SUMF1: variants seen among roughly 807,000 people sequenced by gnomAD.
SUMF1 encodes the protein sulfatase modifying factor 1, also known as formylglycine-generating enzyme.
A neutral mutation model predicts 47.6 loss-of-function variants in SUMF1; 48 were observed. That is an observed-to-expected ratio of 1.01 (90% CI 0.80 to 1.28). The LOEUF is 1.28. Among genes scored for constraint, SUMF1 ranks in the 50% most tolerant of loss-of-function variants. The pLI, the probability that SUMF1 is intolerant of heterozygous loss-of-function variation, is 0.00. For synonymous variants in SUMF1, 230 were observed against 192.1 expected, an observed-to-expected ratio of 1.20 and a Z score of -1.63; for missense variants, 571 against 485.4, an observed-to-expected ratio of 1.18 and a Z score of -1.66.
intron 8 of SUMF1, among the ~76,000 whole-genome samples, chr3:4,286,497 G>C (rs1397245712): frequency 6.6e-6 from 1 of 152,100 alleles, no homozygotes; most frequent in African/African-American, 2.4e-5. Flanking sequence ...TTTGAAGAAA[G>C]AATATGATTG....
intron 8 of SUMF1, among the ~76,000 whole-genome samples, chr3:4,196,494 C>A (rs554755104): frequency 1.3e-5 from 2 of 152,244 alleles, no homozygotes; most frequent in East Asian, 3.9e-4. Flanking sequence ...CCGAAGCCAG[C>A]CATACTAATA....
At position 4,254,544 on chromosome 3, in the gene SUMF1, T is replaced by C. The variant is rs1314246996; in HGVS notation, c.1014+121786A>G. On this transcript the variant is annotated intron_variant and NMD_transcript_variant, in intron 8 of 12. Coordinates refer to the SUMF1 transcript ENST00000448413. ...GGAAGATGAAATGAATGAAATGAAG[T>C]GAGAAGGGAAGTTTAGAGAAAAAAG... Among the ~76,000 whole-genome samples, 221 of 147,846 alleles carry C rather than the reference T, an allele frequency of 1.5e-3. 1 individual carries two copies. Among genetic ancestry groups the C allele is most frequent in the Non-Finnish European group, 2.6e-3 (177 of 66,924 alleles).
chr3:4,162,275 TG>T (rs1417090216), intron 8 of SUMF1, among the ~76,000 whole-genome samples: 2 of 152,130 alleles, frequency 1.3e-5, no homozygotes, highest in African/African-American at 4.8e-5. Context: ...TACCTGAGGT[TG>T]GGGGAGGAGT....
chr3:4,321,016 C>T (rs998027478), intron 8 of SUMF1, among the ~76,000 whole-genome samples: 1 of 152,090 alleles, frequency 6.6e-6, no homozygotes, highest in Non-Finnish European at 1.5e-5. Flanking sequence ...CTGATATTAA[C>T]AACTCTGCTA....
chr3:4,226,607 T>C (rs1478488220), intron 8 of SUMF1, among the ~76,000 whole-genome samples: 2 of 152,020 alleles, frequency 1.3e-5, no homozygotes, highest in African/African-American at 2.4e-5. Context: ...TTATATGAAT[T>C]AGCTACTATT....
At chr3:4,096,739 G>T (rs1692914237) in intron 8 of SUMF1, among the ~76,000 whole-genome samples, 1 of 152,006 alleles carries the variant, frequency 6.6e-6, no homozygotes, top group South Asian at 2.1e-4. Context: ...CTTAGTCGAG[G>T]GTCACAAATG....
At chr3:4,213,823 A>G (rs780861331) in intron 8 of SUMF1, among the ~76,000 whole-genome samples, 14 of 152,226 alleles carry the variant, frequency 9.2e-5, no homozygotes, top group Non-Finnish European at 1.9e-4. Context: ...AGGCCATTAC[A>G]TAATGGTAAA....
At chr3:4,436,863 A>C (rs1559299016) in intron 3 of SUMF1, among the ~76,000 whole-genome samples, 6 of 135,018 alleles carry the variant, frequency 4.4e-5, no homozygotes, top group Non-Finnish European at 9.8e-5. Context: ...AAAAAAAAAA[A>C]ATACAAAAAA....
At chr3:4,238,644 G>C (rs1053564912) in intron 8 of SUMF1, among the ~76,000 whole-genome samples, 2 of 151,970 alleles carry the variant, frequency 1.3e-5, no homozygotes, top group Admixed American at 6.6e-5. Flanking sequence ...TCATAAATTT[G>C]TTTAAGTCAT....
intron 8 of SUMF1, among the ~76,000 whole-genome samples, chr3:4,353,395 G>A (rs1364106431): frequency 6.6e-6 from 1 of 152,122 alleles, no homozygotes; most frequent in Non-Finnish European, 1.5e-5. Flanking sequence ...TGGGACTACA[G>A]GCACCCGCCA....
At chr3:4,432,782 T>A (rs763895880) in intron 3 of SUMF1, among the ~76,000 whole-genome samples, 1 of 152,214 alleles carries the variant, frequency 6.6e-6, no homozygotes, top group Non-Finnish European at 1.5e-5. Flanking sequence ...ATAACCTCCA[T>A]GAGAATAAGG....
In SUMF1 at chr3:4,184,179, A is replaced by G. The variant is rs1042919409; in HGVS notation, c.1015-115434T>C. On this transcript the variant is annotated intron_variant and NMD_transcript_variant, in intron 8 of 12. Transcript: ENST00000448413. ...AAAAGAAAAAAGGCAAAAGAGCCCA[A>G]GTGTGGTGGCTCATGCCTGTATTCC... 5.3e-5 allele frequency among the ~76,000 whole-genome samples: 8 copies of G among 151,664 alleles called. 1 individual carries two copies. The highest frequency in any genetic ancestry group is 1.2e-4 in the Non-Finnish European group (8 of 67,890).
At chr3:4,211,519 G>A (rs1249119187) in intron 8 of SUMF1, among the ~76,000 whole-genome samples, 1 of 151,814 alleles carries the variant, frequency 6.6e-6, no homozygotes, top group Non-Finnish European at 1.5e-5. Flanking sequence ...GCTTCCAGAG[G>A]AAAATATAAG....
At chr3:4,114,974 C>T (rs1559483095) in intron 8 of SUMF1, among the ~76,000 whole-genome samples, 3 of 152,014 alleles carry the variant, frequency 2.0e-5, no homozygotes, top group African/African-American at 4.8e-5. Context: ...CCCTTCTGGC[C>T]TGTGCCCACG....
At chr3:4,353,397 C>A (rs896100665) in intron 8 of SUMF1, among the ~76,000 whole-genome samples, 1 of 152,138 alleles carries the variant, frequency 6.6e-6, no homozygotes, top group Non-Finnish European at 1.5e-5. Flanking sequence ...GGACTACAGG[C>A]ACCCGCCACC....
At chr3:4,074,645 G>T (rs1260541080) in intron 8 of SUMF1, among the ~76,000 whole-genome samples, 2 of 151,936 alleles carry the variant, frequency 1.3e-5, no homozygotes, top group South Asian at 2.1e-4. Flanking sequence ...AATAAAAAAT[G>T]ATAAAGGGGA....
At chr3:4,427,976 G>T (rs1422621603) in intron 3 of SUMF1, among the ~76,000 whole-genome samples, 1 of 152,036 alleles carries the variant, frequency 6.6e-6, no homozygotes, top group Non-Finnish European at 1.5e-5. Flanking sequence ...AAAAATGAGA[G>T]AAATATTTCT....
At position 4,361,684 on chromosome 3, in the gene SUMF1, AC is replaced by A; in HGVS notation, c.*459del. 3.4e-5 allele frequency: 1 copy of A among 29,672 alleles called. No individual in the cohort carries two copies. The highest frequency in any genetic ancestry group is 2.1e-3 in the East Asian group (1 of 470). The allele number at this position is 29,672 out of a possible 1,614,324, so 1.8% of individuals were successfully genotyped here. ...AAAAAATAATCTATAATAAATTCTCACTATGAAGTCACAATAGAATCTGATA... is the reference window on the plus strand; with the variant it reads ...AAAAAATAATCTATAATAAATTCTCATATGAAGTCACAATAGAATCTGATA... On this transcript the variant is annotated 3_prime_UTR_variant, in exon 9 of 9. Transcript: ENST00000272902.
intron 9 of SUMF1, among the ~76,000 whole-genome samples, chr3:4,039,979 A>C (rs1195201418): frequency 6.6e-6 from 1 of 152,140 alleles, no homozygotes; most frequent in Non-Finnish European, 1.5e-5. Context: ...CCATGATCAC[A>C]CCATAGCACT....
Sources: allele counts gnomAD v4.1 joint callset (sites outside exome capture counted in the v4.1 genomes callset), GRCh38; gene constraint gnomAD v4.1.1; transcripts MANE v1.5; gene names NCBI Gene and HGNC (gene_info 2026-07-23, HGNC 2026-07-21).